The following ASTN2 variants were observed in gnomAD, a reference collection of about 807,000 sequenced individuals.
ASTN2 encodes the protein astrotactin-2.
Under a neutral mutation model 139.8 loss-of-function variants are expected in ASTN2, and 54 were observed. The observed-to-expected ratio is 0.39, with a 90% CI of 0.31 to 0.48. The LOEUF is 0.48. Among genes scored for constraint, ASTN2 ranks in the 20% least tolerant of loss-of-function variants. ASTN2 has a pLI of 0.95. For synonymous variants in ASTN2, 756 were observed against 719.5 expected (o/e 1.05, Z -0.81); for missense variants, 1,565 against 1,725.1 (o/e 0.91, Z 1.64).
intron 16 of ASTN2, among the ~76,000 whole-genome samples, chr9:116,666,545 C>G (rs2131974104): frequency 6.6e-6 from 1 of 152,174 alleles, no homozygotes; most frequent in Non-Finnish European, 1.5e-5. Flanking sequence ...TCCGCTAGAT[C>G]TTGTCATTAA....
At chr9:116,954,995 T>C (rs898432615) in intron 10 of ASTN2, among the ~76,000 whole-genome samples, 2 of 152,188 alleles carry the variant, frequency 1.3e-5, no homozygotes, top group Admixed American at 6.5e-5. Flanking sequence ...AGAATTGACA[T>C]CTCTGAAATG....
intron 5 of ASTN2, among the ~76,000 whole-genome samples, chr9:117,061,380 A>G (rs200632963): frequency 3.0e-5 from 1 of 32,922 alleles, no homozygotes; most frequent in Non-Finnish European, 7.7e-5. Context: ...CACAGTGCCT[A>G]TTATTAATGT....
chr9:116,567,358 C>T (rs867165890), intron 19 of ASTN2, among the ~76,000 whole-genome samples: 1 of 152,176 alleles, frequency 6.6e-6, no homozygotes, highest in African/African-American at 2.4e-5. Flanking sequence ...TGGGTGGCAC[C>T]CTTGACAGCC....
At chr9:116,835,903 C>T (rs1219204384) in intron 11 of ASTN2, among the ~76,000 whole-genome samples, 1 of 152,188 alleles carries the variant, frequency 6.6e-6, no homozygotes, top group African/African-American at 2.4e-5. Flanking sequence ...CCTCTAGCCT[C>T]AGCCTCCTGA....
intron 5 of ASTN2, among the ~76,000 whole-genome samples, chr9:117,058,481 C>T (rs1839134107): frequency 6.6e-6 from 1 of 152,208 alleles, no homozygotes; most frequent in Non-Finnish European, 1.5e-5. Context: ...GTTATAGTTA[C>T]TATGCCCATT....
Position 116,698,442 on chromosome 9 carries a change from C to T in ASTN2, c.2806+27329G>A, listed in dbSNP as rs886043553. The T allele has an allele frequency of 1.2e-6, 2 of 1,614,032 alleles. No individual in the cohort carries two copies. The highest frequency in any genetic ancestry group is 1.7e-4 in the Middle Eastern group (1 of 6,032). Reference sequence around the variant, plus strand: ...TTACCTGCTTAACATTGCAGAGGTGCAGGCTGTGTCTCGCTGTGACTACTT... The same window carrying T: ...TTACCTGCTTAACATTGCAGAGGTGTAGGCTGTGTCTCGCTGTGACTACTT... On this transcript the variant is annotated intron_variant, in intron 16 of 22. Coordinates refer to ENST00000313400, the MANE Select transcript of ASTN2 (RefSeq NM_001365068.1). This position sits in a 1 kb window ranked among gnomAD's most constrained non-coding sequence, Gnocchi z 4.4.
intron 2 of ASTN2, among the ~76,000 whole-genome samples, chr9:117,224,204 T>C (rs927002282): frequency 1.3e-5 from 2 of 152,256 alleles, no homozygotes; most frequent in Admixed American, 1.3e-4. Context: ...GACTCAAATC[T>C]ATGTCTGTTT....
At chr9:117,109,740 A>C (rs2132784417) in intron 4 of ASTN2, among the ~76,000 whole-genome samples, 1 of 152,306 alleles carries the variant, frequency 6.6e-6, no homozygotes, top group Middle Eastern at 3.4e-3. Flanking sequence ...TTGTTCCAAA[A>C]GCAATTTTAA....
rs546052234 is a variant in ASTN2, at chr9:116,925,724, T to C, written c.1889+49484A>G. ...TGTGTGGGGGGTGGGGGGATGAACA[T>C]ATTGTAGGCTGTGATTAATAATTTA... On this transcript the variant is annotated intron_variant, in intron 10 of 22. Coordinates refer to ENST00000313400, the MANE Select transcript of ASTN2 (RefSeq NM_001365068.1). Among the ~76,000 whole-genome samples, 3 of 151,674 alleles carry C rather than the reference T, an allele frequency of 2.0e-5. No homozygotes were observed. In the South Asian group the frequency reaches 6.3e-4, roughly 32 times the overall value.
intron 1 of ASTN2, among the ~76,000 whole-genome samples, chr9:117,413,432 C>CAATA (rs1831227143): frequency 6.6e-6 from 1 of 152,246 alleles, no homozygotes; most frequent in Non-Finnish European, 1.5e-5. Context: ...TGTTGTTGGC[C>CAATA]AGACTCCGAC....
At chr9:116,987,278 G>C (rs996451220) in intron 7 of ASTN2, among the ~76,000 whole-genome samples, 1 of 152,214 alleles carries the variant, frequency 6.6e-6, no homozygotes, top group Non-Finnish European at 1.5e-5. Context: ...TATGAGATCT[G>C]GTTGTTTAAA....
chr9:116,632,164 G>GAGAGAC (rs1856790041), intron 17 of ASTN2, among the ~76,000 whole-genome samples: 2 of 33,964 alleles, frequency 5.9e-5, no homozygotes, highest in African/African-American at 2.8e-4. Context: ...GAGACAGAGA[G>GAGAGAC]AGAGAGAGAG....
intron 1 of ASTN2, among the ~76,000 whole-genome samples, chr9:117,369,135 T>A (rs1281185596): frequency 2.0e-5 from 3 of 152,230 alleles, no homozygotes; most frequent in East Asian, 1.9e-4. Flanking sequence ...CCTGGAAGAG[T>A]GCTATTCAAA....
At chr9:116,610,165 C>T (rs1255750257) in intron 19 of ASTN2, among the ~76,000 whole-genome samples, 1 of 152,092 alleles carries the variant, frequency 6.6e-6, no homozygotes, top group African/African-American at 2.4e-5. Context: ...AAACAAATAT[C>T]ACATTAAATA....
chr9:116,649,564 A>G lies in ASTN2; in HGVS notation c.3072+1964T>C, dbSNP rs1029470948. The stretch of plus-strand genomic sequence containing the variant: ...ACTCCAGCCTGGGCAACAAGAACAA[A>G]ACTGTCTCAAAAAAAAAAAAAAAAA... On this transcript the variant is annotated intron_variant, in intron 17 of 22. Coordinates refer to ENST00000313400, the MANE Select transcript of ASTN2 (RefSeq NM_001365068.1). 4.8e-5 allele frequency among the ~76,000 whole-genome samples: 5 copies of G among 105,232 alleles called. No homozygotes were observed. In the Admixed American group the frequency reaches 5.7e-4, roughly 12 times the overall value. 69.0% of individuals were successfully genotyped at this position (105,232 alleles called of 152,430 possible).
At chr9:117,176,382 A>G in intron 3 of ASTN2, among the ~76,000 whole-genome samples, 1 of 152,158 alleles carries the variant, frequency 6.6e-6, no homozygotes. Flanking sequence ...AAGAAACAGA[A>G]TCAGTGAAGT....
Position 117,063,695 on chromosome 9 carries a change from C to A in ASTN2, c.1277-23730G>T, listed in dbSNP as rs116508244. On this transcript the variant is annotated intron_variant, in intron 5 of 22. Coordinates refer to ENST00000313400, the MANE Select transcript of ASTN2 (RefSeq NM_001365068.1). ...TTTAGTCCACTAGAAGGTAAATCAACTTTTGTGGGCTAGCCTGGGAACACT... is the reference window on the plus strand; with the variant it reads ...TTTAGTCCACTAGAAGGTAAATCAAATTTTGTGGGCTAGCCTGGGAACACT... 3.2e-3 allele frequency among the ~76,000 whole-genome samples: 494 copies of A among 152,242 alleles called. 2 individuals carry two copies. The highest frequency in any genetic ancestry group is 0.012 in the African/African-American group (480 of 41,552).
At chr9:117,168,356 A>G (rs1830715532) in intron 3 of ASTN2, among the ~76,000 whole-genome samples, 1 of 152,198 alleles carries the variant, frequency 6.6e-6, no homozygotes, top group Admixed American at 6.5e-5. Flanking sequence ...TTCCACAAGG[A>G]CATGGATCCT....
intron 3 of ASTN2, among the ~76,000 whole-genome samples, chr9:117,168,186 A>C (rs1830712535): frequency 6.6e-6 from 1 of 152,124 alleles, no homozygotes; most frequent in South Asian, 2.1e-4. Context: ...AATAGGAGGG[A>C]GAGCTCTAAG....
Sources: gnomAD v4.1 joint callset for allele counts (sites outside exome capture counted in the v4.1 genomes callset) on GRCh38, gnomAD v4.1.1 for gene constraint, Gnocchi (gnomAD v3.1) non-coding constraint, MANE v1.5 for transcripts, NCBI Gene and HGNC (gene_info 2026-07-23, HGNC 2026-07-21) for gene names.